COL24A1: variants seen among roughly 807,000 people sequenced by gnomAD.
COL24A1 encodes the protein collagen type XXIV alpha 1 chain.
COL24A1 carries 224 observed loss-of-function variants against 253.9 expected under a neutral mutation model. The observed-to-expected ratio is 0.88, with a 90% CI of 0.79 to 0.99. The LOEUF (loss-of-function observed/expected upper bound fraction) is 0.99, where lower values mean the gene tolerates loss of function less well. Ranked by LOEUF, COL24A1 falls within the 50% of genes least tolerant of loss-of-function variation. The pLI, the probability that COL24A1 is intolerant of heterozygous loss-of-function variation, is 0.00. For missense variants in COL24A1, 2,131 were observed against 2,068.5 expected, an observed-to-expected ratio of 1.03 and a Z score of -0.59; for synonymous variants, 685 against 673.7, an observed-to-expected ratio of 1.02 and a Z score of -0.26.
intron 19 of COL24A1, among the ~76,000 whole-genome samples, chr1:85,996,659 A>AAACAG (rs1430906166): frequency 8.5e-5 from 13 of 152,092 alleles, no homozygotes; most frequent in African/African-American, 3.1e-4. Flanking sequence ...AAACAAAACA[A>AAACAG]AAAACAAAGA....
At chr1:85,928,094 C>T (rs1314397222) in intron 24 of COL24A1, among the ~76,000 whole-genome samples, 5 of 67,148 alleles carry the variant, frequency 7.4e-5, no homozygotes, top group Non-Finnish European at 1.4e-4. Context: ...ATGATTTTGA[C>T]GAGCTGAGAG....
intron 57 of COL24A1, among the ~76,000 whole-genome samples, chr1:85,740,988 T>C (rs1269944510): frequency 4.7e-5 from 6 of 127,154 alleles, no homozygotes; most frequent in African/African-American, 1.7e-4. Flanking sequence ...GCATCGTGGC[T>C]GGCGCCTATA....
chr1:86,039,093 A>T (rs1200036330), intron 12 of COL24A1, among the ~76,000 whole-genome samples: 1 of 152,178 alleles, frequency 6.6e-6, no homozygotes, highest in Non-Finnish European at 1.5e-5. Flanking sequence ...GCCAGTGCTA[A>T]GTGCTGGATC....
chr1:86,156,460 A>T lies in COL24A1; in HGVS notation c.-64T>A. 1 of 1,490,342 alleles carries T rather than the reference A, an allele frequency of 6.7e-7. No individual in the cohort carries two copies. The highest frequency in any genetic ancestry group is 9.2e-7 in the Non-Finnish European group (1 of 1,082,860). The allele number at this position is 1,490,342 out of a possible 1,614,324, so 92.3% of individuals were successfully genotyped here. A position where few individuals can be genotyped will look rare whatever the true frequency, so the allele number is the denominator to read the frequency against. ...AACAGAAGCCAACTCTGAACTGCTT[A>T]GGGTGCAGGTACTGTCCATGAAAAA... On this transcript the variant is annotated 5_prime_UTR_variant, in exon 1 of 60. Transcript: ENST00000370571.
chr1:85,896,064 C>G lies in COL24A1; in HGVS notation c.2834G>C (p.Gly945Ala), dbSNP rs770168939. Residue 945 changes from glycine (G) to alanine (A), a missense_variant and splice_region_variant, in exon 30 of 60, where the codon GGT (glycine) becomes GCT (alanine). Gly to Ala is a moderately conservative substitution (Grantham distance 60, BLOSUM62 0). Transcript: ENST00000370571. The part of the protein sequence containing the change: ...LGEQGIQGAK[G>A]EKGDQGKRGP... ...TCTTTTTCCTTGATCTCCTTTTTCA[C>G]CCTAACAAAGTATCAAAGCCAGGTG... is the stretch of plus-strand genomic sequence containing the variant. The G allele has an allele frequency of 6.2e-7, 1 of 1,612,664 alleles. No homozygotes were observed. Among genetic ancestry groups the G allele is most frequent in the Non-Finnish European group, 8.5e-7 (1 of 1,179,520 alleles).
At chr1:86,013,132 T>G (rs978426078) in intron 19 of COL24A1, among the ~76,000 whole-genome samples, 28 of 152,240 alleles carry the variant, frequency 1.8e-4, no homozygotes, top group Non-Finnish European at 1.5e-5. Context: ...CTCAAGGTAC[T>G]CAGACTAACT....
intron 55 of COL24A1, among the ~76,000 whole-genome samples, chr1:85,760,444 G>A (rs200853532): frequency 6.6e-6 from 1 of 152,028 alleles, no homozygotes; most frequent in Non-Finnish European, 1.5e-5. Flanking sequence ...CAGATAAATG[G>A]GTCTCTTGTT....
At chr1:85,754,436 T>C (rs1209295955) in intron 55 of COL24A1, among the ~76,000 whole-genome samples, 1 of 96,068 alleles carries the variant, frequency 1.0e-5, no homozygotes, top group Non-Finnish European at 2.1e-5. Flanking sequence ...TACCTAATGC[T>C]AGATGACACG....
rs1665114482 is a variant in COL24A1 at position 85,745,475 on chromosome 1, G to C, written c.4469C>G (p.Ala1490Gly). ...KQMDINAAIQ[A>G]LIESNTALQM... ...TAGGGCAGTATTTGATTCAATCAAG[G>C]CTTGAATAGCAGCATTGATATCCAT... is the stretch of plus-strand genomic sequence containing the variant. Residue 1490 changes from alanine to glycine, a missense_variant, in exon 56 of 60, where the codon GCC becomes GGC. Ala to Gly is a moderately conservative substitution (Grantham distance 60). Coordinates refer to ENST00000370571, the MANE Select transcript of COL24A1 (RefSeq NM_152890.7). 6.2e-7 allele frequency: 1 copy of C among 1,610,084 alleles called. No individual in the cohort carries two copies. Among genetic ancestry groups the C allele is most frequent in the Non-Finnish European group, 8.5e-7 (1 of 1,178,414 alleles).
rs771969331 is a variant in COL24A1 at position 85,877,115 on chromosome 1, A to T, written c.3030+7T>A. ...TTATGAAGAAGAACTAGCCACAAAAAATTTACCTCCATGCCCATTTCTCCA... is the reference window on the plus strand; with the variant it reads ...TTATGAAGAAGAACTAGCCACAAAATATTTACCTCCATGCCCATTTCTCCA... On this transcript the variant is annotated splice_region_variant and intron_variant, in intron 33 of 59. Transcript: ENST00000370571. The T allele has an allele frequency of 6.2e-7, 1 of 1,600,872 alleles. No individual in the cohort carries two copies. The highest frequency in any genetic ancestry group is 8.5e-7 in the Non-Finnish European group (1 of 1,174,020).
At chr1:85,878,865 T>C (rs1004196204) in intron 32 of COL24A1, among the ~76,000 whole-genome samples, 15 of 152,238 alleles carry the variant, frequency 9.9e-5, no homozygotes, top group African/African-American at 3.6e-4. Context: ...CATTCTTCTA[T>C]GCCATTTCTA....
At chr1:85,970,105 A>T in intron 22 of COL24A1, 122 bp downstream of exon 22, 1 of 863,458 alleles carries the variant, frequency 1.2e-6, no homozygotes, top group Non-Finnish European at 1.7e-6. Context: ...GCATTTTATG[A>T]CTTTAATTTG....
intron 24 of COL24A1, among the ~76,000 whole-genome samples, chr1:85,954,940 T>G (rs1690279439): frequency 6.6e-6 from 1 of 152,170 alleles, no homozygotes; most frequent in South Asian, 2.1e-4. Context: ...GAAATATGAC[T>G]TCTTATGATT....
intron 53 of COL24A1, among the ~76,000 whole-genome samples, chr1:85,775,348 T>C (rs1374463916): frequency 6.6e-6 from 1 of 152,170 alleles, no homozygotes; most frequent in Non-Finnish European, 1.5e-5. Context: ...GTATATTCTG[T>C]TGATTTGGGG....
intron 7 of COL24A1, among the ~76,000 whole-genome samples, chr1:86,078,394 CACG>C (rs1702405417): frequency 6.6e-6 from 1 of 152,070 alleles, no homozygotes. Context: ...AGATCTGGAA[CACG>C]ACAAGGATGC....
intron 55 of COL24A1, among the ~76,000 whole-genome samples, chr1:85,747,705 G>C (rs12124817): frequency 6.6e-6 from 1 of 152,060 alleles, no homozygotes; most frequent in African/African-American, 2.4e-5. Flanking sequence ...TAGGAAAAAA[G>C]AAAAGTATTT....
rs1319613666 is a variant in COL24A1, at chr1:85,936,563, GAA to G, written c.2562+24684_2562+24685del. On this transcript the variant is annotated intron_variant, in intron 24 of 59. Coordinates refer to ENST00000370571, the MANE Select transcript of COL24A1 (RefSeq NM_152890.7). ...CATAAATAACATAAAATTAGATACG[GAA>G]AAGTTTATTAATTTGGGAGCACTTT... Among the ~76,000 whole-genome samples, 5 of 146,768 alleles carry G rather than the reference GAA, an allele frequency of 3.4e-5. 1 individual carries two copies. Among genetic ancestry groups the G allele is most frequent in the Non-Finnish European group, 7.5e-5 (5 of 66,508 alleles).
At chr1:85,793,152 T>C (rs1670471720) in intron 47 of COL24A1, among the ~76,000 whole-genome samples, 1 of 152,186 alleles carries the variant, frequency 6.6e-6, no homozygotes, top group South Asian at 2.1e-4. Flanking sequence ...AAAAGATAAT[T>C]AAGTATATTT....
At chr1:86,018,122 C>A (rs957744309) in intron 18 of COL24A1, among the ~76,000 whole-genome samples, 1 of 152,156 alleles carries the variant, frequency 6.6e-6, no homozygotes, top group South Asian at 2.1e-4. Flanking sequence ...CTATTGCATT[C>A]ATTATTTCTG....
Sources: gnomAD v4.1 joint callset for allele counts (sites outside exome capture counted in the v4.1 genomes callset) on GRCh38, gnomAD v4.1.1 for gene constraint, MANE v1.5 for transcripts, NCBI Gene and HGNC (gene_info 2026-07-23, HGNC 2026-07-21) for gene names.